POLI: variants seen among roughly 807,000 people sequenced by gnomAD.
POLI encodes the protein RAD30 homolog B.
In POLI, 58 loss-of-function variants were observed where a neutral mutation model predicts 51.6. The observed-to-expected ratio is 1.12, with a 90% CI of 0.91 to 1.40. The LOEUF is 1.40. Among genes scored for constraint, POLI ranks in the 40% most tolerant of loss-of-function variants. The probability of loss-of-function intolerance (pLI) is 0.00; values close to 1 mark genes in which losing one functional copy is unlikely to be tolerated. For synonymous variants in POLI, 322 were observed against 299.7 expected, an observed-to-expected ratio of 1.07 and a Z score of -0.77; for missense variants, 921 against 871.3, an observed-to-expected ratio of 1.06 and a Z score of -0.72.
chr18:54,305,753 CT>C (rs948881910), intron 3 of POLI, among the ~76,000 whole-genome samples: 25 of 145,944 alleles, frequency 1.7e-4, no homozygotes, highest in East Asian at 2.0e-4. Context: ...CCCTGTATTT[CT>C]TTTTTTTTTT....
rs2088135506 is a variant in POLI at position 54,293,664 on chromosome 18, CAT to C, written c.1423_1424del (p.Met475GlyfsTer20). ...GKHSFKMKDT[H>X]MEDFPKDKET... ...TGTGTTCTAGAAAATGAAAGACACT[CAT>C]ATGGAAGATTTTCCCAAAGACAAAG... On this transcript the variant is annotated frameshift_variant, in exon 10 of 10. Coordinates refer to ENST00000579534, the MANE Select transcript of POLI (RefSeq NM_007195.3). LOFTEE classifies it low-confidence loss of function (END_TRUNC). 6.4e-7 allele frequency: 1 copy of C among 1,573,288 alleles called. No homozygotes were observed. The highest frequency in any genetic ancestry group is 8.6e-7 in the Non-Finnish European group (1 of 1,162,530).
chr18:54,284,592 T>A (rs144481068), intron 7 of POLI: 13 of 152,180 alleles, frequency 8.5e-5, no homozygotes, highest in African/African-American at 3.1e-4. Context: ...TTGTGATTGT[T>A]GAGGATAGGA....
In POLI at chr18:54,274,053, C is replaced by A; in HGVS notation, c.369C>A (p.Asp123Glu). Residue 123 changes from aspartate (D) to glutamate (E), a missense_variant, in exon 3 of 10, where the codon GAC becomes GAA. Physicochemically the swap from Asp to Glu is conservative, Grantham distance 45. Coordinates refer to ENST00000579534, the MANE Select transcript of POLI (RefSeq NM_007195.3). ...CPQLVLVNGE[D>E]LTRYREMSYK... ...AGTTGGTATTAGTTAATGGAGAAGA[C>A]CTGACCCGCTACAGAGAAATGTCTT... 3 of 1,518,690 alleles carry A rather than the reference C, an allele frequency of 2.0e-6. No individual in the cohort carries two copies. Among genetic ancestry groups the A allele is most frequent in the Non-Finnish European group, 2.7e-6 (3 of 1,130,218 alleles). 94.1% of individuals were successfully genotyped at this position (1,518,690 alleles called of 1,614,324 possible).
chr18:54,312,878 A>T (rs1463574476), intron 3 of POLI, among the ~76,000 whole-genome samples: 1 of 152,006 alleles, frequency 6.6e-6, no homozygotes, highest in Admixed American at 6.6e-5. Flanking sequence ...TAGTTTGGAG[A>T]TATTTTCTCC....
intron 3 of POLI, among the ~76,000 whole-genome samples, chr18:54,308,225 G>T (rs1313408398): frequency 6.6e-6 from 1 of 152,170 alleles, no homozygotes; most frequent in Non-Finnish European, 1.5e-5. Context: ...GGTACCGGTT[G>T]TTCCTTTCCA....
chr18:54,275,063 A>G (rs147770262), intron 3 of POLI: 1 of 152,358 alleles, frequency 6.6e-6, no homozygotes, highest in East Asian at 1.9e-4. Flanking sequence ...CTTGCCCAAA[A>G]TTAAAAGCAA....
chr18:54,293,298 A>G (rs186604465), intron 9 of POLI, among the ~76,000 whole-genome samples: 4 of 151,712 alleles, frequency 2.6e-5, no homozygotes, highest in Non-Finnish European at 4.4e-5. Flanking sequence ...TGTTTTTTTG[A>G]AAAATACCCT....
chr18:54,293,918 G>T lies in POLI; in HGVS notation c.1674G>T (p.Val558=), dbSNP rs777653583. ...AAAAATTTCAAGGGAAAGGAAGTGT[G>T]AGTTGTCCATTACATGCCTCTAGAG... ...SREKFQGKGS[V]SCPLHASRGV... The change falls in exon 10 of 10, where the codon GTG becomes GTT. Residue 558 remains valine, a synonymous_variant. Coordinates refer to ENST00000579534, the MANE Select transcript of POLI (RefSeq NM_007195.3). 1.9e-5 allele frequency: 31 copies of T among 1,612,992 alleles called. No homozygotes were observed. In the Admixed American group the frequency reaches 5.2e-4, roughly 27 times the overall value.
In POLI at chr18:54,295,237, C is replaced by T. The variant is rs2088263075; in HGVS notation, c.*770C>T. The T allele has an allele frequency of 1.0e-6, 1 of 985,324 alleles. No individual in the cohort carries two copies. The highest frequency in any genetic ancestry group is 1.2e-6 in the Non-Finnish European group (1 of 829,872). 61.0% of individuals were successfully genotyped at this position (985,324 alleles called of 1,614,324 possible). A position where few individuals can be genotyped will look rare whatever the true frequency, so the allele number is the denominator to read the frequency against. On this transcript the variant is annotated 3_prime_UTR_variant, in exon 10 of 10. Transcript: ENST00000579534. ...GATAATGGAAGAAGTCCATTTCTTT[C>T]TAGCTAGTTTGAAGGGCCTAAAAGC...
At chr18:54,287,188 A>G in intron 7 of POLI, 93 bp from the exon 8 acceptor site, 1 of 875,208 alleles carries the variant, frequency 1.1e-6, no homozygotes, top group Non-Finnish European at 1.7e-6. Context: ...CATATTTAAC[A>G]AAATCTGGCA....
Position 54,294,584 on chromosome 18 carries a change from C to T in POLI, c.*117C>T. 1 of 1,334,920 alleles carries T rather than the reference C, an allele frequency of 7.5e-7. No homozygotes were observed. Among genetic ancestry groups the T allele is most frequent in the Non-Finnish European group, 9.6e-7 (1 of 1,047,004 alleles). 82.7% of individuals were successfully genotyped at this position (1,334,920 alleles called of 1,614,324 possible). On this transcript the variant is annotated 3_prime_UTR_variant, in exon 10 of 10. Transcript: ENST00000579534. ...ATATTCAATAACGGAGTAAACTGTT[C>T]CAGATAAAGCAAGAATAGTTGCAAG...
At chr18:54,286,475 A>G (rs2087748875) in intron 7 of POLI, among the ~76,000 whole-genome samples, 2 of 152,172 alleles carry the variant, frequency 1.3e-5, no homozygotes, top group Admixed American at 1.3e-4. Flanking sequence ...ATAAGCTATC[A>G]TATAATGGTA....
At chr18:54,279,429 G>C (rs1344943474) in intron 4 of POLI, among the ~76,000 whole-genome samples, 1 of 151,906 alleles carries the variant, frequency 6.6e-6, no homozygotes, top group Non-Finnish European at 1.5e-5. Context: ...TTTTAGTAGA[G>C]ACGGGGTTTC....
intron 3 of POLI, among the ~76,000 whole-genome samples, chr18:54,307,646 C>G (rs576012100): frequency 5.7e-4 from 87 of 152,088 alleles, no homozygotes; most frequent in African/African-American, 2.0e-3. Context: ...CCTTGTTAAC[C>G]TTCTGTCTCG....
rs766808272 is a variant in POLI, at chr18:54,273,930, T to A, written c.246T>A (p.Val82=). 2.0e-6 allele frequency: 3 copies of A among 1,519,302 alleles called. No individual in the cohort carries two copies. Among genetic ancestry groups the A allele is most frequent in the Non-Finnish European group, 2.6e-6 (3 of 1,132,562 alleles). The allele number at this position is 1,519,302 out of a possible 1,614,324, so 94.1% of individuals were successfully genotyped here. ...CTCATAAAATATTTTTTACAGGGGT[T>A]CAACAGAAATATTTGGTGGTTACCT... is the stretch of plus-strand genomic sequence containing the variant. ...NPELKDKPLG[V]QQKYLVVTCN... Residue 82 remains valine (V), a synonymous_variant, in exon 3 of 10, where the codon GTT becomes GTA. Transcript: ENST00000579534.
In POLI at chr18:54,296,349, T is replaced by C. The variant is rs1037546298; in HGVS notation, c.*1882T>C. The C allele has an allele frequency of 1.0e-6, 1 of 985,120 alleles. No homozygotes were observed. Among genetic ancestry groups the C allele is most frequent in the East Asian group, 1.1e-4 (1 of 8,828 alleles). 61.0% of individuals were successfully genotyped at this position (985,120 alleles called of 1,614,324 possible). On this transcript the variant is annotated 3_prime_UTR_variant, in exon 10 of 10. Transcript: ENST00000579534. The stretch of plus-strand genomic sequence containing the variant: ...GGCTATGTCACAGTTACGCTACTTA[T>C]TTTGTGGTTTTAAGTTAGTCTCAAC...
At chr18:54,307,669 A>T (rs1161555999) in intron 3 of POLI, among the ~76,000 whole-genome samples, 2 of 152,196 alleles carry the variant, frequency 1.3e-5, no homozygotes, top group South Asian at 2.1e-4. Flanking sequence ...GATCTGTCTA[A>T]TATTGACAGT....
At chr18:54,288,888 T>C (rs2087867173) in intron 8 of POLI, among the ~76,000 whole-genome samples, 1 of 152,168 alleles carries the variant, frequency 6.6e-6, no homozygotes. Context: ...TGGTTGTCTT[T>C]AATTCTTTGG....
At chr18:54,301,121 T>G (rs1468144613), downstream of POLI, among the ~76,000 whole-genome samples, 2 of 151,996 alleles carry the variant, frequency 1.3e-5, no homozygotes, top group Non-Finnish European at 2.9e-5. Context: ...CTACTAAAAA[T>G]ACCAAAAAGT....
Sources: gnomAD v4.1 joint callset for allele counts (sites outside exome capture counted in the v4.1 genomes callset) on GRCh38, gnomAD v4.1.1 for gene constraint, MANE v1.5 for transcripts, NCBI Gene and HGNC (gene_info 2026-07-23, HGNC 2026-07-21) for gene names.